The following SGCZ variants were observed in gnomAD, a reference collection of about 807,000 sequenced individuals.
SGCZ encodes the protein sarcoglycan zeta, also known as zeta-sarcoglycan.
Under a neutral mutation model 41.3 loss-of-function variants are expected in SGCZ, and 40 were observed. The ratio of observed to expected loss-of-function variants is 0.97; its 90% CI spans 0.75 to 1.26. The LOEUF (loss-of-function observed/expected upper bound fraction) is 1.26. SGCZ is among the 50% of genes most tolerant of loss of function. SGCZ has a pLI of 0.00. For missense variants in SGCZ, 552 were observed against 369.8 expected (o/e 1.49, Z -4.04); for synonymous variants, 206 against 137.5 (o/e 1.50, Z -3.49).
chr8:14,654,421 T>C (rs892046012), intron 1 of SGCZ, among the ~76,000 whole-genome samples: 1 of 151,978 alleles, frequency 6.6e-6, no homozygotes, highest in Non-Finnish European at 1.5e-5. Context: ...ACAAAAATAA[T>C]AATAATGCCT....
At chr8:14,297,786 C>A (rs1801062955) in intron 3 of SGCZ, among the ~76,000 whole-genome samples, 1 of 151,844 alleles carries the variant, frequency 6.6e-6, no homozygotes, top group African/African-American at 2.4e-5. Flanking sequence ...AAAACCTTAT[C>A]AATAATGAAA....
intron 2 of SGCZ, among the ~76,000 whole-genome samples, chr8:14,345,417 C>T (rs1563270383): frequency 6.6e-6 from 1 of 152,228 alleles, no homozygotes; most frequent in African/African-American, 2.4e-5. Context: ...TTCAAGTCCT[C>T]AGAATACACC....
chr8:14,176,212 T>C (rs1376279638), intron 4 of SGCZ, among the ~76,000 whole-genome samples: 1 of 152,200 alleles, frequency 6.6e-6, no homozygotes, highest in Non-Finnish European at 1.5e-5. Flanking sequence ...AGTCCAACAA[T>C]ATGCCATAAA....
intron 4 of SGCZ, among the ~76,000 whole-genome samples, chr8:14,199,819 A>C (rs926727391): frequency 1.3e-5 from 2 of 152,220 alleles, no homozygotes; most frequent in East Asian, 3.9e-4. Context: ...GTGAAAGTTC[A>C]CGACTGACAA....
intron 2 of SGCZ, among the ~76,000 whole-genome samples, chr8:14,368,812 A>T (rs1803809005): frequency 1.3e-5 from 2 of 151,592 alleles, no homozygotes; most frequent in Non-Finnish European, 2.9e-5. Flanking sequence ...TGGCCAAAAA[A>T]CATCTGGTAT....
intron 1 of SGCZ, among the ~76,000 whole-genome samples, chr8:14,779,460 G>C (rs531172197): frequency 1.3e-5 from 2 of 152,238 alleles, no homozygotes; most frequent in South Asian, 2.1e-4. Context: ...GCTGCCATCC[G>C]ACCCTAACCT....
At chr8:14,492,598 G>T (rs1277429436) in intron 2 of SGCZ, among the ~76,000 whole-genome samples, 1 of 152,040 alleles carries the variant, frequency 6.6e-6, no homozygotes, top group East Asian at 1.9e-4. Context: ...AAATATTCTA[G>T]TCTCTATCTG....
intron 5 of SGCZ, among the ~76,000 whole-genome samples, chr8:14,135,325 T>A (rs1017480077): frequency 6.6e-6 from 1 of 152,258 alleles, no homozygotes; most frequent in Non-Finnish European, 1.5e-5. Flanking sequence ...TTTATAATTA[T>A]CTTCTTTCTT....
chr8:15,218,197 T>C (rs1370494376), intron 1 of SGCZ, among the ~76,000 whole-genome samples: 1 of 152,170 alleles, frequency 6.6e-6, no homozygotes, highest in East Asian at 1.9e-4. Context: ...CATGAAAGAC[T>C]TTGTATTTTT....
intron 1 of SGCZ, among the ~76,000 whole-genome samples, chr8:14,855,489 A>T (rs557524010): frequency 6.6e-6 from 1 of 152,290 alleles, no homozygotes; most frequent in East Asian, 1.9e-4. Flanking sequence ...TACTTGCAGG[A>T]TAGATTATAG....
chr8:14,482,909 G>C (rs563203541), intron 2 of SGCZ, among the ~76,000 whole-genome samples: 1 of 152,102 alleles, frequency 6.6e-6, no homozygotes, highest in East Asian at 1.9e-4. Flanking sequence ...GTCTCCGTTT[G>C]CAGACCACTA....
chr8:14,653,194 C>G (rs1187022711), intron 1 of SGCZ, among the ~76,000 whole-genome samples: 1 of 151,888 alleles, frequency 6.6e-6, no homozygotes, highest in African/African-American at 2.4e-5. Context: ...ATGTTTGGGT[C>G]CACATAACTA....
chr8:14,288,986 G>A (rs1800746858), intron 3 of SGCZ, among the ~76,000 whole-genome samples: 1 of 152,082 alleles, frequency 6.6e-6, no homozygotes, highest in Admixed American at 6.6e-5. Flanking sequence ...GGACTGCAAT[G>A]ATATCTTATT....
chr8:14,930,044 G>C (rs1287004172), intron 1 of SGCZ, among the ~76,000 whole-genome samples: 1 of 151,980 alleles, frequency 6.6e-6, no homozygotes, highest in Non-Finnish European at 1.5e-5. Flanking sequence ...GTCTTAGCAA[G>C]CACTTCAAAA....
intron 1 of SGCZ, among the ~76,000 whole-genome samples, chr8:15,147,747 G>C (rs889014096): frequency 6.6e-6 from 1 of 152,256 alleles, no homozygotes; most frequent in Admixed American, 6.5e-5. Context: ...TTGCAGAAGG[G>C]GTTCTGAGAA....
intron 5 of SGCZ, among the ~76,000 whole-genome samples, chr8:14,130,809 T>C (rs988685902): frequency 1.3e-5 from 2 of 152,206 alleles, no homozygotes; most frequent in Non-Finnish European, 2.9e-5. Context: ...TGTTTTTTCA[T>C]AGAGGCTCTA....
At chr8:14,628,863 G>A (rs1465409252) in intron 1 of SGCZ, among the ~76,000 whole-genome samples, 1 of 152,102 alleles carries the variant, frequency 6.6e-6, no homozygotes, top group African/African-American at 2.4e-5. Flanking sequence ...ACCTTTTGGT[G>A]TGGTTCTCAT....
At chr8:14,784,933 TAA>T (rs33996345) in intron 1 of SGCZ, among the ~76,000 whole-genome samples, 42,394 of 93,824 alleles carry the variant, frequency 0.45, 11,793 homozygotes, top group East Asian at 0.61. Context: ...TATATATATA[TAA>T]AATATATATA....
chr8:15,197,026 C>T (rs540259028), intron 1 of SGCZ, among the ~76,000 whole-genome samples: 10 of 152,328 alleles, frequency 6.6e-5, no homozygotes, highest in Middle Eastern at 3.4e-3. Context: ...TGCAAGGTCT[C>T]TTTAAGCCAA....
Sources: allele counts gnomAD v4.1 joint callset (sites outside exome capture counted in the v4.1 genomes callset), GRCh38; gene constraint gnomAD v4.1.1; transcripts MANE v1.5; gene names NCBI Gene and HGNC (gene_info 2026-07-23, HGNC 2026-07-21).